Variants in SLC6A16 observed in about 807,000 individuals in gnomAD.
The protein encoded by SLC6A16 is orphan sodium- and chloride-dependent neurotransmitter transporter NTT5.
A neutral mutation model predicts 65.4 loss-of-function variants in SLC6A16; 54 were observed. That is an observed-to-expected ratio of 0.83 (90% CI 0.66 to 1.04). The LOEUF (loss-of-function observed/expected upper bound fraction) is 1.04, where lower values mean the gene tolerates loss of function less well. Among genes scored for constraint, SLC6A16 ranks in the 50% least tolerant of loss-of-function variants. The pLI, the probability that SLC6A16 is intolerant of heterozygous loss-of-function variation, is 0.00. For synonymous variants in SLC6A16, 330 were observed against 346.5 expected (o/e 0.95, Z 0.53); for missense variants, 816 against 914.0 (o/e 0.89, Z 1.38).
chr19:49,311,486 A>G, intron 1 of SLC6A16, 75 bp from the exon 2 acceptor site: 1 of 892,816 alleles, frequency 1.1e-6, no homozygotes, highest in East Asian at 2.8e-5. Context: ...AATCCTCAAC[A>G]TCTCCTTAAA....
chr19:49,336,769 C>A, the SLC6A16 span: 2 of 792,070 alleles, frequency 2.5e-6, no homozygotes, highest in Non-Finnish European at 4.0e-6. Context: ...GAAACAGGGA[C>A]TCAGGGTGGG....
At chr19:49,329,467 G>A (rs375942392), upstream of SLC6A16, among the ~76,000 whole-genome samples, 30 of 152,076 alleles carry the variant, frequency 2.0e-4, 1 homozygote, top group Admixed American at 9.8e-4. Context: ...TTAGGTTTGG[G>A]GTCTGAGAGA....
At chr19:49,340,309 G>A in the SLC6A16 span, 157 of 1,613,488 alleles carry the variant, frequency 9.7e-5, no homozygotes, top group Middle Eastern at 9.9e-4. Context: ...GTCTACAACC[G>A]GCTCGCTCGA....
chr19:49,323,508 C>A (rs1970749205), intron 1 of SLC6A16, among the ~76,000 whole-genome samples: 1 of 152,016 alleles, frequency 6.6e-6, no homozygotes, highest in Non-Finnish European at 1.5e-5. Flanking sequence ...TCGTAAAACT[C>A]AACAACAAAG....
chr19:49,298,090 A>G (rs1470980175), intron 7 of SLC6A16, among the ~76,000 whole-genome samples: 1 of 152,246 alleles, frequency 6.6e-6, no homozygotes, highest in Non-Finnish European at 1.5e-5. Flanking sequence ...AAAGTAATCC[A>G]TAGATGCAAG....
chr19:49,321,767 T>G (rs939301003), intron 1 of SLC6A16, among the ~76,000 whole-genome samples: 4 of 150,822 alleles, frequency 2.7e-5, no homozygotes, highest in African/African-American at 9.8e-5. Flanking sequence ...CAAACAAAAT[T>G]TTTAATTACC....
upstream of SLC6A16, among the ~76,000 whole-genome samples, chr19:49,325,767 A>G (rs1970788935): frequency 6.6e-6 from 1 of 152,242 alleles, no homozygotes; most frequent in Non-Finnish European, 1.5e-5. Flanking sequence ...TGTGAGTTGT[A>G]TCTATCAATA....
upstream of SLC6A16, among the ~76,000 whole-genome samples, chr19:49,327,472 G>A (rs1201550783): frequency 6.6e-6 from 1 of 152,324 alleles, no homozygotes; most frequent in African/African-American, 2.4e-5. Flanking sequence ...GGTGAAAAAT[G>A]TGTGTGAACA....
intron 1 of SLC6A16, among the ~76,000 whole-genome samples, chr19:49,315,120 G>A (rs1399817183): frequency 6.6e-6 from 1 of 152,002 alleles, no homozygotes; most frequent in Admixed American, 6.6e-5. Context: ...CCATCCTCAT[G>A]TCAAAAACAG....
the SLC6A16 span, among the ~76,000 whole-genome samples, chr19:49,334,157 G>A: frequency 7.2e-5 from 11 of 152,358 alleles, no homozygotes; most frequent in South Asian, 2.3e-3. Context: ...GACTCTGAGA[G>A]GCACAAAAAC....
chr19:49,301,050 AAAAT>A (rs567519146), intron 7 of SLC6A16, among the ~76,000 whole-genome samples: 231 of 152,268 alleles, frequency 1.5e-3, no homozygotes, highest in African/African-American at 3.9e-3. Flanking sequence ...CTCCATCTCA[AAAAT>A]AAATAAATAA....
chr19:49,327,195 C>T (rs548677400), upstream of SLC6A16, among the ~76,000 whole-genome samples: 6 of 152,036 alleles, frequency 3.9e-5, no homozygotes, highest in African/African-American at 1.5e-4. Context: ...CTGCCTCAGC[C>T]TTCCGAGTAG....
chr19:49,312,705 G>T, intron 1 of SLC6A16: 1 of 296,150 alleles, frequency 3.4e-6, no homozygotes, highest in Non-Finnish European at 5.0e-6. Context: ...AAAAGCAGAG[G>T]CAGTAGATGG....
chr19:49,338,655 A>G, the SLC6A16 span: 4 of 1,408,122 alleles, frequency 2.8e-6, no homozygotes, highest in Non-Finnish European at 4.0e-6. The surrounding 1 kb of genome is among the most constrained non-coding windows in gnomAD (Gnocchi z 5.0). Context: ...CCCCAACATC[A>G]TATGTCTCCA....
chr19:49,339,689 A>G, the SLC6A16 span: 64 of 1,410,026 alleles, frequency 4.5e-5, no homozygotes, highest in Non-Finnish European at 5.7e-5. The surrounding 1 kb of genome is among the most constrained non-coding windows in gnomAD (Gnocchi z 4.5). Flanking sequence ...GTACAGCTAC[A>G]GCGCAGGGCA....
chr19:49,313,072 CAAAAAAAAA>C (rs5828385), intron 1 of SLC6A16, among the ~76,000 whole-genome samples: 1 of 95,778 alleles, frequency 1.0e-5, no homozygotes, highest in Admixed American at 1.1e-4. Context: ...AACCCTGTCT[CAAAAAAAAA>C]AAAAAAAAAA....
chr19:49,338,668 C>A, the SLC6A16 span: 1 of 1,508,628 alleles, frequency 6.6e-7, no homozygotes, highest in African/African-American at 1.4e-5. This position sits in a 1 kb window ranked among gnomAD's most constrained non-coding sequence, Gnocchi z 5.0. Context: ...TGTCTCCAGT[C>A]CCGGTCCCTC....
At chr19:49,299,063 G>C (rs1298044446) in intron 7 of SLC6A16, among the ~76,000 whole-genome samples, 1 of 151,670 alleles carries the variant, frequency 6.6e-6, no homozygotes, top group Non-Finnish European at 1.5e-5. Flanking sequence ...GGCTAACACG[G>C]TGAAACCCCG....
chr19:49,297,854 T>C (rs995201504), intron 7 of SLC6A16, among the ~76,000 whole-genome samples: 22 of 152,180 alleles, frequency 1.4e-4, no homozygotes, highest in African/African-American at 5.1e-4. Context: ...TATAGTATGA[T>C]TCTACTTACT....
Sources: allele counts gnomAD v4.1 joint callset (sites outside exome capture counted in the v4.1 genomes callset), GRCh38; gene constraint gnomAD v4.1.1; non-coding constraint Gnocchi (gnomAD v3.1); transcripts MANE v1.5; gene names NCBI Gene and HGNC (gene_info 2026-07-23, HGNC 2026-07-21).